Variants in CRISPLD2 observed in about 807,000 individuals in gnomAD.
CRISPLD2 encodes the protein cysteine-rich secretory protein LCCL domain-containing 2.
In CRISPLD2, 47 loss-of-function variants were observed where a neutral mutation model predicts 71.1. The observed-to-expected ratio is 0.66, with a 90% CI of 0.52 to 0.84. CRISPLD2 has a LOEUF of 0.84. Among genes scored for constraint, CRISPLD2 ranks in the 40% least tolerant of loss-of-function variants. CRISPLD2 has a pLI of 0.00. For synonymous variants in CRISPLD2, 317 were observed against 250.1 expected, an observed-to-expected ratio of 1.27 and a Z score of -2.52; for missense variants, 830 against 651.1, an observed-to-expected ratio of 1.27 and a Z score of -2.99.
chr16:84,886,763 C>G (rs187428827), intron 13 of CRISPLD2, among the ~76,000 whole-genome samples: 1 of 152,238 alleles, frequency 6.6e-6, no homozygotes, highest in East Asian at 1.9e-4. Flanking sequence ...TCTGATGAGC[C>G]CAGATGGTAT....
At chr16:84,823,196 C>T (rs1384862119) in intron 1 of CRISPLD2, among the ~76,000 whole-genome samples, 3 of 152,218 alleles carry the variant, frequency 2.0e-5, no homozygotes, top group African/African-American at 7.2e-5. Flanking sequence ...ACCTTCGTTC[C>T]TTTTTTATGG....
At chr16:84,886,835 A>C (rs560372569) in intron 13 of CRISPLD2, among the ~76,000 whole-genome samples, 6 of 152,296 alleles carry the variant, frequency 3.9e-5, no homozygotes, top group South Asian at 2.1e-4. Context: ...AATACATAAC[A>C]TTAAACTTAC....
intron 2 of CRISPLD2, chr16:84,838,991 C>A (rs960095687): frequency 1.6e-6 from 1 of 610,986 alleles, no homozygotes; most frequent in Non-Finnish European, 3.0e-6. Context: ...CGGGGTTAAG[C>A]GATCCTGCTT....
chr16:84,865,217 A>G (rs1917502678), intron 6 of CRISPLD2, among the ~76,000 whole-genome samples: 1 of 149,360 alleles, frequency 6.7e-6, no homozygotes, highest in Non-Finnish European at 1.5e-5. Context: ...GTGCAGTGGC[A>G]CGATCTCCAC....
chr16:84,847,281 G>A (rs1461942335), intron 3 of CRISPLD2, among the ~76,000 whole-genome samples: 2 of 152,222 alleles, frequency 1.3e-5, no homozygotes, highest in East Asian at 3.8e-4. Flanking sequence ...AGGTGTCATG[G>A]TGGATCGACC....
intron 1 of CRISPLD2, among the ~76,000 whole-genome samples, chr16:84,830,577 C>T (rs1318237308): frequency 1.3e-5 from 2 of 152,012 alleles, no homozygotes; most frequent in Non-Finnish European, 2.9e-5. Flanking sequence ...GTGGCATGCA[C>T]CTCTAGTCCC....
chr16:84,879,261 A>C (rs2071547256), intron 12 of CRISPLD2, among the ~76,000 whole-genome samples: 1 of 152,268 alleles, frequency 6.6e-6, no homozygotes. Flanking sequence ...ATACAAACAG[A>C]AAAACTTGAC....
At chr16:84,874,334 G>A (rs2071500510) in intron 11 of CRISPLD2, among the ~76,000 whole-genome samples, 1 of 152,232 alleles carries the variant, frequency 6.6e-6, no homozygotes, top group Non-Finnish European at 1.5e-5. Context: ...TCTGGGCTTA[G>A]TGGAAAACAG....
At chr16:84,880,434 A>C (rs1283641327) in intron 12 of CRISPLD2, 75 bp from the exon 13 acceptor site, 9 of 1,193,372 alleles carry the variant, frequency 7.5e-6, no homozygotes, top group Non-Finnish European at 1.1e-5. Context: ...CTTGGAATTC[A>C]AATAAAGAGA....
intron 14 of CRISPLD2, among the ~76,000 whole-genome samples, chr16:84,895,752 A>G (rs1288527685): frequency 6.6e-6 from 1 of 152,102 alleles, no homozygotes; most frequent in East Asian, 1.9e-4. Context: ...CAAGGTTTAA[A>G]CCTAGCAGGG....
intron 1 of CRISPLD2, among the ~76,000 whole-genome samples, chr16:84,826,039 G>A (rs1916343743): frequency 6.6e-6 from 1 of 152,194 alleles, no homozygotes; most frequent in Admixed American, 6.5e-5. Flanking sequence ...TGGAGACCTG[G>A]ATCAGAAGCT....
intron 6 of CRISPLD2, among the ~76,000 whole-genome samples, chr16:84,855,703 C>T (rs527611738): frequency 6.6e-6 from 1 of 152,260 alleles, no homozygotes; most frequent in Admixed American, 6.5e-5. Context: ...ACAAGTCCAC[C>T]CCTTGTCAAC....
intron 6 of CRISPLD2, among the ~76,000 whole-genome samples, chr16:84,856,081 C>T (rs1917231358): frequency 6.6e-6 from 1 of 152,250 alleles, no homozygotes; most frequent in Non-Finnish European, 1.5e-5. Context: ...ACTGCCCATT[C>T]TGTATTCCCT....
intron 1 of CRISPLD2, among the ~76,000 whole-genome samples, chr16:84,828,531 G>A (rs533648419): frequency 6.6e-4 from 101 of 152,186 alleles, no homozygotes; most frequent in Non-Finnish European, 1.1e-3. Context: ...CTTTCCCTTC[G>A]GAGAGGGAGG....
At chr16:84,861,782 C>G (rs1250718079) in intron 6 of CRISPLD2, among the ~76,000 whole-genome samples, 1 of 152,182 alleles carries the variant, frequency 6.6e-6, no homozygotes, top group Non-Finnish European at 1.5e-5. Context: ...AGAAAATTAA[C>G]CAGGTGTGGT....
At chr16:84,854,657 C>G in intron 5 of CRISPLD2, 72 bp from the exon 6 acceptor site, 1 of 1,132,214 alleles carries the variant, frequency 8.8e-7, no homozygotes, top group Non-Finnish European at 1.3e-6. Context: ...TCACGTGGGC[C>G]TTGGAAGAGG....
At chr16:84,846,497 A>G (rs1916917903) in intron 3 of CRISPLD2, among the ~76,000 whole-genome samples, 1 of 151,840 alleles carries the variant, frequency 6.6e-6, no homozygotes, top group African/African-American at 2.4e-5. Context: ...CAAGTGATCC[A>G]CCCACGTTGG....
At chr16:84,874,885 G>C (rs1015460571) in intron 11 of CRISPLD2, among the ~76,000 whole-genome samples, 3 of 152,038 alleles carry the variant, frequency 2.0e-5, no homozygotes, top group Non-Finnish European at 4.4e-5. Context: ...TATATACATC[G>C]ATGACTTTTA....
Position 84,897,942 on chromosome 16 carries a change from A to T in CRISPLD2, c.1439+8579A>T, listed in dbSNP as rs189603017. 7.9e-3 allele frequency among the ~76,000 whole-genome samples: 1,205 copies of T among 152,280 alleles called. 8 individuals are homozygous for T. The highest frequency in any genetic ancestry group is 0.035 in the South Asian group (171 of 4,818). The stretch of plus-strand genomic sequence containing the variant: ...TAAACACGCTTTTTAAAAAGGGATT[A>T]TGCTATTAGTATTGTTTTGTTAATC... On this transcript the variant is annotated intron_variant, in intron 14 of 14. Coordinates refer to ENST00000262424, the MANE Select transcript of CRISPLD2 (RefSeq NM_031476.4).
Sources: allele counts gnomAD v4.1 joint callset (sites outside exome capture counted in the v4.1 genomes callset), GRCh38; gene constraint gnomAD v4.1.1; transcripts MANE v1.5; gene names NCBI Gene and HGNC (gene_info 2026-07-23, HGNC 2026-07-21).